The following MAPK4 variants were observed in gnomAD, a reference collection of about 807,000 sequenced individuals.
MAPK4 encodes the protein Erk3-related.
MAPK4 carries 22 observed loss-of-function variants against 47.7 expected under a neutral mutation model. The observed-to-expected ratio is 0.46, with a 90% CI of 0.33 to 0.66. The LOEUF (loss-of-function observed/expected upper bound fraction) is 0.66. Ranked by LOEUF, MAPK4 falls within the 30% of genes least tolerant of loss-of-function variation. The probability of loss-of-function intolerance (pLI) is 0.02; values close to 1 mark genes in which losing one functional copy is unlikely to be tolerated. For synonymous variants in MAPK4, 390 were observed against 365.7 expected (o/e 1.07, Z -0.76); for missense variants, 736 against 831.7 (o/e 0.88, Z 1.42).
chr18:50,716,342 C>T (rs182878258), intron 3 of MAPK4, among the ~76,000 whole-genome samples: 1 of 151,966 alleles, frequency 6.6e-6, no homozygotes, highest in Non-Finnish European at 1.5e-5. Flanking sequence ...TTCCCTGGGT[C>T]TCCTCCTCCC....
intron 3 of MAPK4, among the ~76,000 whole-genome samples, chr18:50,718,635 G>A (rs1568096210): frequency 6.6e-6 from 1 of 152,038 alleles, no homozygotes; most frequent in Non-Finnish European, 1.5e-5. Context: ...CAGCAATGAG[G>A]GAATTATTCA....
chr18:50,669,066 G>C (rs1290428887), intron 2 of MAPK4: 1 of 152,272 alleles, frequency 6.6e-6, no homozygotes, highest in African/African-American at 2.4e-5. Flanking sequence ...GACACCAGAT[G>C]TCAGTTTCCC....
At chr18:50,677,338 A>G (rs190742704) in intron 2 of MAPK4, among the ~76,000 whole-genome samples, 7 of 152,232 alleles carry the variant, frequency 4.6e-5, no homozygotes, top group Non-Finnish European at 1.0e-4. Context: ...AATATGTAAA[A>G]TGAACATTCA....
intron 1 of MAPK4, among the ~76,000 whole-genome samples, chr18:50,578,377 A>G (rs1189705226): frequency 6.6e-6 from 1 of 152,194 alleles, no homozygotes; most frequent in Non-Finnish European, 1.5e-5. Context: ...TGCTGGGGCA[A>G]CCCTCAGAGT....
intron 2 of MAPK4, among the ~76,000 whole-genome samples, chr18:50,668,768 T>A (rs367969689): frequency 6.6e-6 from 1 of 152,210 alleles, no homozygotes; most frequent in Non-Finnish European, 1.5e-5. Context: ...ATGTTGTCCA[T>A]CCCTGGCTTT....
At chr18:50,711,872 A>G (rs2144422269) in intron 2 of MAPK4, among the ~76,000 whole-genome samples, 1 of 144,060 alleles carries the variant, frequency 6.9e-6, no homozygotes, top group South Asian at 2.2e-4. Flanking sequence ...CACCCCATCC[A>G]CTCGACTGCA....
chr18:50,711,692 A>T (rs1302386902), intron 2 of MAPK4, among the ~76,000 whole-genome samples: 1 of 152,254 alleles, frequency 6.6e-6, no homozygotes, highest in African/African-American at 2.4e-5. Flanking sequence ...TACATCCAAA[A>T]GAAGCTGAAA....
intron 2 of MAPK4, among the ~76,000 whole-genome samples, chr18:50,685,764 G>A (rs140068802): frequency 9.7e-4 from 148 of 152,220 alleles, no homozygotes; most frequent in Middle Eastern, 3.4e-3. Flanking sequence ...CACACCTTCC[G>A]ACGGTTTGGG....
chr18:50,683,325 G>A (rs765013205), intron 2 of MAPK4, among the ~76,000 whole-genome samples: 18 of 151,970 alleles, frequency 1.2e-4, no homozygotes, highest in Non-Finnish European at 2.2e-4. Flanking sequence ...GTCTCACCAT[G>A]TTGGCCAGGC....
At chr18:50,677,608 G>A (rs1160587369) in intron 2 of MAPK4, among the ~76,000 whole-genome samples, 1 of 151,794 alleles carries the variant, frequency 6.6e-6, no homozygotes, top group Non-Finnish European at 1.5e-5. Context: ...TGCTCAGGCT[G>A]GAGTGCAGAT....
At chr18:50,617,712 G>A (rs546513459) in intron 1 of MAPK4, among the ~76,000 whole-genome samples, 7 of 152,290 alleles carry the variant, frequency 4.6e-5, no homozygotes, top group Non-Finnish European at 7.3e-5. Flanking sequence ...ACAGGCTTCT[G>A]ATCCTCCCAC....
rs1907384332 is a variant in MAPK4 at position 50,663,321 on chromosome 18, G to C, written c.-638G>C. 1.3e-5 allele frequency: 2 copies of C among 152,334 alleles called. No homozygotes were observed. Among genetic ancestry groups the C allele is most frequent in the Non-Finnish European group, 2.9e-5 (2 of 68,054 alleles). The allele number at this position is 152,334 out of a possible 1,614,324, so 9.4% of individuals were successfully genotyped here. ...TGTGTTTCTCCAGCTTTTTTCACCA[G>C]TGCTTACCAGACTGGCTCAGGTTTT... is the stretch of plus-strand genomic sequence containing the variant. On this transcript the variant is annotated 5_prime_UTR_variant, in exon 2 of 6. Transcript: ENST00000400384.
intron 3 of MAPK4, among the ~76,000 whole-genome samples, chr18:50,716,241 A>G (rs888406384): frequency 6.6e-6 from 1 of 152,028 alleles, no homozygotes; most frequent in Non-Finnish European, 1.5e-5. Context: ...GTTCCCACCC[A>G]AACTGCCGTG....
At chr18:50,647,482 G>A (rs531562007) in intron 1 of MAPK4, among the ~76,000 whole-genome samples, 1 of 152,310 alleles carries the variant, frequency 6.6e-6, no homozygotes, top group Admixed American at 6.5e-5. Context: ...ACCCGAGGGA[G>A]GGGCATGCAG....
chr18:50,648,099 CAG>C (rs146378809), intron 1 of MAPK4, among the ~76,000 whole-genome samples: 2,797 of 146,594 alleles, frequency 0.019, 58 homozygotes, highest in African/African-American at 0.055. Context: ...AAGAAAGACC[CAG>C]AGAGAGAGAG....
intron 1 of MAPK4, among the ~76,000 whole-genome samples, chr18:50,582,044 C>T (rs1482958336): frequency 6.6e-6 from 1 of 152,168 alleles, no homozygotes; most frequent in African/African-American, 2.4e-5. Context: ...CCTCAGATTT[C>T]TCATATGTAA....
intron 2 of MAPK4, among the ~76,000 whole-genome samples, chr18:50,676,442 A>G (rs191805572): frequency 2.6e-5 from 4 of 152,292 alleles, no homozygotes; most frequent in Admixed American, 6.5e-5. Context: ...TTTTTACCCA[A>G]ATTTTTTCAT....
At chr18:50,676,916 AG>A (rs1319741845) in intron 2 of MAPK4, among the ~76,000 whole-genome samples, 3 of 152,210 alleles carry the variant, frequency 2.0e-5, no homozygotes, top group African/African-American at 7.2e-5. Context: ...GACTTGAGTA[AG>A]GGTCCCCAAC....
At chr18:50,698,890 T>C (rs1909641415) in intron 2 of MAPK4, among the ~76,000 whole-genome samples, 1 of 152,092 alleles carries the variant, frequency 6.6e-6, no homozygotes, top group Non-Finnish European at 1.5e-5. Context: ...CTAGGTATAG[T>C]GGTGCACACC....
Sources: gnomAD v4.1 joint callset for allele counts (sites outside exome capture counted in the v4.1 genomes callset) on GRCh38, gnomAD v4.1.1 for gene constraint, MANE v1.5 for transcripts, NCBI Gene and HGNC (gene_info 2026-07-23, HGNC 2026-07-21) for gene names.